The following PHLPP1 variants were observed in gnomAD, a reference collection of about 807,000 sequenced individuals.
PHLPP1 encodes the protein PH domain leucine-rich repeat-containing protein phosphatase 1.
A neutral mutation model predicts 117.2 loss-of-function variants in PHLPP1; 42 were observed. The observed-to-expected ratio is 0.36, with a 90% confidence interval of 0.28 to 0.46. PHLPP1 has a LOEUF of 0.46. Among genes scored for constraint, PHLPP1 ranks in the 20% least tolerant of loss-of-function variants. The probability of loss-of-function intolerance (pLI) is 1.00; values close to 1 mark genes in which losing one functional copy is unlikely to be tolerated. For missense variants in PHLPP1, 2,084 were observed against 2,241.9 expected (o/e 0.93, Z 1.42); for synonymous variants, 1,042 against 970.7 (o/e 1.07, Z -1.37).
At chr18:62,836,293 G>T (rs1022907207) in intron 2 of PHLPP1, among the ~76,000 whole-genome samples, 3 of 151,246 alleles carry the variant, frequency 2.0e-5, no homozygotes, top group Non-Finnish European at 4.4e-5. Context: ...AATTGGTGGC[G>T]CAGTGGCAGG....
chr18:62,751,702 A>G (rs1458177431), intron 1 of PHLPP1, among the ~76,000 whole-genome samples: 1 of 152,078 alleles, frequency 6.6e-6, no homozygotes, highest in East Asian at 1.9e-4. Context: ...TGGTGTTCTC[A>G]CTGCAGGAAG....
intron 1 of PHLPP1, among the ~76,000 whole-genome samples, chr18:62,763,232 G>C (rs1568107643): frequency 6.6e-6 from 1 of 152,200 alleles, no homozygotes. Context: ...TAACTTGTCT[G>C]TTCTACTGCT....
At chr18:62,967,996 T>C (rs2144486641) in intron 14 of PHLPP1, among the ~76,000 whole-genome samples, 1 of 152,292 alleles carries the variant, frequency 6.6e-6, no homozygotes, top group South Asian at 2.1e-4. Context: ...GCTTATTTTA[T>C]ATTTTTAGTA....
At chr18:62,937,592 A>G (rs908205886) in intron 10 of PHLPP1, among the ~76,000 whole-genome samples, 1 of 152,208 alleles carries the variant, frequency 6.6e-6, no homozygotes. Flanking sequence ...TCCGAGTTTT[A>G]TTTCTGTCTC....
intron 3 of PHLPP1, among the ~76,000 whole-genome samples, chr18:62,849,075 G>C (rs536170716): frequency 2.6e-5 from 4 of 152,250 alleles, no homozygotes; most frequent in African/African-American, 7.2e-5. Flanking sequence ...CTATTTATTG[G>C]AGTATGCTGC....
Position 62,975,487 on chromosome 18 carries a change from C to T in PHLPP1, c.3846C>T (p.Thr1282=), listed in dbSNP as rs760270705. The part of the protein sequence containing the change: ...HDPVDPGGSF[T]LTSANVGKCQ... The stretch of plus-strand genomic sequence containing the variant: ...CTGTGGATCCAGGAGGATCCTTCAC[C>T]TTGACCTCTGCTAATGTGGGCAAGT... Residue 1282 remains threonine, a synonymous_variant, in exon 16 of 17, where the codon ACC becomes ACT. Transcript: ENST00000262719. 2.5e-6 allele frequency: 4 copies of T among 1,613,546 alleles called. No individual in the cohort carries two copies. The highest frequency in any genetic ancestry group is 3.4e-6 in the Non-Finnish European group (4 of 1,179,560).
chr18:62,916,626 G>GTGTGTGTGTGTGTGTCCA (rs1909285724), intron 9 of PHLPP1, among the ~76,000 whole-genome samples: 1 of 151,162 alleles, frequency 6.6e-6, no homozygotes, highest in African/African-American at 2.4e-5. Context: ...GTGTGTGTGT[G>GTGTGTGTGTGTGTGTCCA]TGTGTCCATG....
At chr18:62,720,572 TTCAG>T (rs1910885015) in intron 1 of PHLPP1, among the ~76,000 whole-genome samples, 2 of 152,154 alleles carry the variant, frequency 1.3e-5, no homozygotes, top group Non-Finnish European at 2.9e-5. Flanking sequence ...GGAGAGGTGG[TTCAG>T]CATTAAGCTA....
At chr18:62,774,322 G>A (rs927899383) in intron 1 of PHLPP1, among the ~76,000 whole-genome samples, 1 of 152,164 alleles carries the variant, frequency 6.6e-6, no homozygotes, top group Non-Finnish European at 1.5e-5. Flanking sequence ...CATGGCATGG[G>A]GAAGTGCAAG....
At chr18:62,799,672 A>G (rs79341685) in intron 1 of PHLPP1, among the ~76,000 whole-genome samples, 269 of 152,238 alleles carry the variant, frequency 1.8e-3, no homozygotes, top group African/African-American at 6.2e-3. Flanking sequence ...ATCATAAACC[A>G]TTTATTTATG....
At chr18:62,740,894 A>G (rs1363367592) in intron 1 of PHLPP1, among the ~76,000 whole-genome samples, 1 of 152,102 alleles carries the variant, frequency 6.6e-6, no homozygotes, top group Non-Finnish European at 1.5e-5. Flanking sequence ...GAATTGCTTG[A>G]ACCTGGGAGG....
intron 10 of PHLPP1, among the ~76,000 whole-genome samples, chr18:62,924,676 GAAA>G (rs35464959): frequency 0.04 from 3,756 of 93,194 alleles, 79 homozygotes; most frequent in Non-Finnish European, 0.06. Flanking sequence ...ACTACAAATT[GAAA>G]AAAAAAAAAA....
chr18:62,776,263 C>T (rs779666487), intron 1 of PHLPP1, among the ~76,000 whole-genome samples: 16 of 152,078 alleles, frequency 1.1e-4, no homozygotes, highest in Non-Finnish European at 2.1e-4. Context: ...AATTTTGAGT[C>T]TAAAATCTGT....
chr18:62,787,789 C>T (rs1050717465), intron 1 of PHLPP1, among the ~76,000 whole-genome samples: 5 of 150,598 alleles, frequency 3.3e-5, no homozygotes, highest in African/African-American at 9.8e-5. Context: ...TACCGTGCAG[C>T]GGGGGTGGGG....
rs907619770 is a variant in PHLPP1 at position 62,926,413 on chromosome 18, G to A, written c.2960+6299G>A. Among the ~76,000 whole-genome samples the A allele has an allele frequency of 4.6e-5, 7 of 152,270 alleles. No homozygotes were observed. In the South Asian group the frequency reaches 1.5e-3, roughly 32 times the overall value. On this transcript the variant is annotated intron_variant, in intron 10 of 16. Coordinates refer to ENST00000262719, the MANE Select transcript of PHLPP1 (RefSeq NM_194449.4). ...CAGCTGTGAACATTGCTCTGAGATTGAAAAGAGGCCCTTCGTAGATTATCA... is the reference window on the plus strand; with the variant it reads ...CAGCTGTGAACATTGCTCTGAGATTAAAAAGAGGCCCTTCGTAGATTATCA...
At chr18:62,795,492 C>CA (rs11291832) in intron 1 of PHLPP1, among the ~76,000 whole-genome samples, 1,089 of 60,722 alleles carry the variant, frequency 0.018, 15 homozygotes, top group Middle Eastern at 0.048. Flanking sequence ...GACTCCATCT[C>CA]AAAAAAAAAA....
intron 1 of PHLPP1, among the ~76,000 whole-genome samples, chr18:62,741,216 G>A (rs1911517756): frequency 6.6e-6 from 1 of 152,194 alleles, no homozygotes; most frequent in Non-Finnish European, 1.5e-5. Flanking sequence ...ATAGGCCCTG[G>A]TGGAATGGCT....
chr18:62,719,881 T>C (rs1336785384), intron 1 of PHLPP1, among the ~76,000 whole-genome samples: 1 of 152,148 alleles, frequency 6.6e-6, no homozygotes, highest in East Asian at 1.9e-4. Flanking sequence ...GGTTGTTTTT[T>C]AGAGGCTTTG....
In PHLPP1 at chr18:62,828,616, A is replaced by G. The variant is rs533387911; in HGVS notation, c.1577-1419A>G. 5.9e-5 allele frequency among the ~76,000 whole-genome samples: 9 copies of G among 152,328 alleles called. No individual in the cohort carries two copies. The South Asian group carries it at 1.9e-3, about 32-fold the overall frequency. On this transcript the variant is annotated intron_variant, in intron 1 of 16. Coordinates refer to ENST00000262719, the MANE Select transcript of PHLPP1 (RefSeq NM_194449.4). ...GGCTTATTTCCTAACATCTGTGCCC[A>G]AAGTATGTATTGGGAACGTTCAGAT...
Sources: gnomAD v4.1 joint callset for allele counts (sites outside exome capture counted in the v4.1 genomes callset) on GRCh38, gnomAD v4.1.1 for gene constraint, MANE v1.5 for transcripts, NCBI Gene and HGNC (gene_info 2026-07-23, HGNC 2026-07-21) for gene names.